MMACHC: variants seen among roughly 807,000 people sequenced by gnomAD.
MMACHC encodes metabolism of cobalamin associated C, also known as cyanocobalamin reductase / alkylcobalamin dealkylase.
MMACHC carries 14 observed loss-of-function variants against 17.6 expected under a neutral mutation model. The observed-to-expected ratio is 0.80, with a 90% CI of 0.53 to 1.25. The LOEUF is 1.25. Among genes scored for constraint, MMACHC ranks in the 50% most tolerant of loss-of-function variants. The pLI is 0.00. For synonymous variants in MMACHC, 151 were observed against 142.1 expected (o/e 1.06, Z -0.45); for missense variants, 392 against 364.5 (o/e 1.08, Z -0.62).
rs933447358 is a variant in MMACHC at position 45,507,392 on chromosome 1, C to T, written c.118C>T (p.His40Tyr). The change falls in exon 2 of 4, where the codon CAC (histidine) becomes TAC (tyrosine). Residue 40 changes from histidine (H) to tyrosine (Y), a missense_variant. Physicochemically the swap from His to Tyr is moderately conservative, Grantham distance 83. Coordinates refer to ENST00000401061, the MANE Select transcript of MMACHC (RefSeq NM_015506.3). ...CAATGAACTCTTGCCTCCAGCCTTC[C>T]ACCTACCGCTGCCAGGACCTACCCT... The part of the protein sequence containing the change: ...WYNELLPPAF[H>Y]LPLPGPTLAF... 1 of 1,614,154 alleles carries T rather than the reference C, an allele frequency of 6.2e-7. No individual in the cohort carries two copies. Among genetic ancestry groups the T allele is most frequent in the Non-Finnish European group, 8.5e-7 (1 of 1,180,030 alleles).
At chr1:45,505,494 C>G (rs931390426) in intron 1 of MMACHC, among the ~76,000 whole-genome samples, 9 of 152,002 alleles carry the variant, frequency 5.9e-5, no homozygotes, top group African/African-American at 2.2e-4. Flanking sequence ...GGTTCTCACT[C>G]TGTTACCCAG....
rs1360332684 is a variant in MMACHC at position 45,509,316 on chromosome 1, ATATAG to A, written c.*104_*108del. 10 of 1,375,154 alleles carry A rather than the reference ATATAG, an allele frequency of 7.3e-6. No homozygotes were observed. Among genetic ancestry groups the A allele is most frequent in the Admixed American group, 3.6e-5 (2 of 56,060 alleles). The allele number at this position is 1,375,154 out of a possible 1,614,324, so 85.2% of individuals were successfully genotyped here. The stretch of plus-strand genomic sequence containing the variant: ...GAGTACAAGATTACTATTTTTGATA[ATATAG>A]TAGAGATCTTCCATGAAGATAACAA... On this transcript the variant is annotated 3_prime_UTR_variant, in exon 4 of 4. Transcript: ENST00000401061.
chr1:45,505,749 A>C (rs1414806649), intron 1 of MMACHC, among the ~76,000 whole-genome samples: 1 of 151,938 alleles, frequency 6.6e-6, no homozygotes, highest in Non-Finnish European at 1.5e-5. Flanking sequence ...TAAAAATACA[A>C]AAATTAGCCG....
In MMACHC at chr1:45,508,360, A is replaced by G. The variant is rs377684747; in HGVS notation, c.425A>G (p.Asn142Ser). The change falls in exon 3 of 4, where the codon AAC becomes AGC. Residue 142 changes from asparagine to serine, a missense_variant. Coordinates refer to ENST00000401061, the MANE Select transcript of MMACHC (RefSeq NM_015506.3). The part of the protein sequence containing the change: ...RQDVEADPWG[N>S]QRISGVCIHP... ...GATGTGGAGGCTGACCCATGGGGGA[A>G]CCAGGTGAGAGGGAAAATGTAAATA... 1.9e-5 allele frequency: 30 copies of G among 1,614,048 alleles called. No homozygotes were observed. Among genetic ancestry groups the G allele is most frequent in the Non-Finnish European group, 2.5e-5 (29 of 1,180,034 alleles).
At position 45,509,092 on chromosome 1, in the gene MMACHC, GC is replaced by G. The variant is rs1409915649; in HGVS notation, c.728del (p.Pro243LeufsTer48). 2 of 1,612,522 alleles carry G rather than the reference GC, an allele frequency of 1.2e-6. No homozygotes were observed. Among genetic ancestry groups the G allele is most frequent in the East Asian group, 4.5e-5 (2 of 44,868 alleles). ...LLGLAQPSEKPSSPSPDLPFT... is the reference protein window; with the variant it reads ...LLGLAQPSEKXSSPSPDLPFT... ...TGGGCTTGGCTCAGCCCTCAGAGAAGCCTAGTTCTCCCTCCCCGGACCTTCC... is the reference window on the plus strand; with the variant it reads ...TGGGCTTGGCTCAGCCCTCAGAGAAGCTAGTTCTCCCTCCCCGGACCTTCC... On this transcript the variant is annotated frameshift_variant, in exon 4 of 4. Transcript: ENST00000401061. LOFTEE classifies it low-confidence loss of function (END_TRUNC).
At chr1:45,508,118 A>G (rs1643661443) in intron 2 of MMACHC, 94 bp from the exon 3 acceptor site, 1 of 1,465,510 alleles carries the variant, frequency 6.8e-7, no homozygotes, top group Non-Finnish European at 9.6e-7. Context: ...GGACAGGACC[A>G]TGTTCACACA....
chr1:45,500,556 G>C, intron 1 of MMACHC, 143 bp downstream of exon 1: 1 of 836,134 alleles, frequency 1.2e-6, no homozygotes. Context: ...TTTCAGTGGG[G>C]GCTTGGGTTA....
chr1:45,511,584 A>G lies in MMACHC; in HGVS notation c.*2369A>G, dbSNP rs1643746926. ...AGTATGAGCTAACCATTTTACAAACATATAATCATCACCACAGCCTTAAGA... is the reference window on the plus strand; with the variant it reads ...AGTATGAGCTAACCATTTTACAAACGTATAATCATCACCACAGCCTTAAGA... On this transcript the variant is annotated 3_prime_UTR_variant, in exon 4 of 4. Transcript: ENST00000401061. The G allele has an allele frequency of 2.4e-6, 1 of 421,436 alleles. No homozygotes were observed. The highest frequency in any genetic ancestry group is 3.5e-5 in the East Asian group (1 of 28,882). 26.1% of individuals were successfully genotyped at this position (421,436 alleles called of 1,614,324 possible). A position where few individuals can be genotyped will look rare whatever the true frequency, so the allele number is the denominator to read the frequency against.
At position 45,508,214 on chromosome 1, in the gene MMACHC, C is replaced by T; in HGVS notation, c.279C>T (p.Ser93=). 6.2e-7 allele frequency: 1 copy of T among 1,614,134 alleles called. No homozygotes were observed. Among genetic ancestry groups the T allele is most frequent in the Non-Finnish European group, 8.5e-7 (1 of 1,180,006 alleles). The stretch of plus-strand genomic sequence containing the variant: ...CTCTATTTTGTCCACTGTTCCAGAG[C>T]CTCCCAGAGCTGCAGATAGAAATCA... ...VAYHLGRVRE[S]LPELQIEIIA... Residue 93 remains serine (S), a splice_region_variant and synonymous_variant, in exon 3 of 4, where the codon AGC becomes AGT. Coordinates refer to ENST00000401061, the MANE Select transcript of MMACHC (RefSeq NM_015506.3).
At chr1:45,506,812 T>C (rs1209234697) in intron 1 of MMACHC, among the ~76,000 whole-genome samples, 1 of 151,796 alleles carries the variant, frequency 6.6e-6, no homozygotes, top group East Asian at 2.0e-4. Flanking sequence ...ATTGGTTCAT[T>C]TGTAGTTGGA....
At chr1:45,506,642 ATGCT>A (rs1276784200) in intron 1 of MMACHC, among the ~76,000 whole-genome samples, 1 of 151,936 alleles carries the variant, frequency 6.6e-6, no homozygotes, top group African/African-American at 2.4e-5. Context: ...GAGTGCCACC[ATGCT>A]TGTCTAATTT....
rs550692873 is a variant in MMACHC, at chr1:45,508,786, C to A, written c.430-10C>A. ...CTCCATGACCTTGCTTTTCTTCACC[C>A]TCTCCCCAGCGCATATCAGGTGTGT... On this transcript the variant is annotated splice_polypyrimidine_tract_variant and intron_variant, in intron 3 of 3. Coordinates refer to ENST00000401061, the MANE Select transcript of MMACHC (RefSeq NM_015506.3). 8.7e-6 allele frequency: 14 copies of A among 1,612,318 alleles called. No individual in the cohort carries two copies. In the African/African-American group the frequency reaches 1.9e-4, roughly 21 times the overall value.
At chr1:45,507,605 C>T in intron 2 of MMACHC, 55 bp downstream of exon 2, 2 of 1,586,020 alleles carry the variant, frequency 1.3e-6, no homozygotes, top group South Asian at 2.2e-5. Flanking sequence ...CCTCCAGTTC[C>T]TCCACACTCA....
At chr1:45,508,517 T>C (rs1036655699) in intron 3 of MMACHC, among the ~76,000 whole-genome samples, 153 bp downstream of exon 3, 15 of 152,180 alleles carry the variant, frequency 9.9e-5, no homozygotes, top group Non-Finnish European at 1.8e-4. Flanking sequence ...TCACATGCGG[T>C]TGTCTAACTG....
rs1643643021 is a variant in MMACHC, at chr1:45,507,434, A to G, written c.160A>G (p.Ser54Gly). The G allele has an allele frequency of 4.3e-6, 7 of 1,614,002 alleles. No individual in the cohort carries two copies. The highest frequency in any genetic ancestry group is 5.9e-6 in the Non-Finnish European group (7 of 1,180,028). ...ACCTACCCTGGCCTTCCTGGTACTC[A>G]GCACGCCTGCCATGTTTGACCGGGC... ...PGPTLAFLVL[S>G]TPAMFDRALK... Residue 54 changes from serine to glycine, a missense_variant, in exon 2 of 4, where the codon AGC (serine) becomes GGC (glycine). Ser to Gly is a moderately conservative substitution (Grantham distance 56). Transcript: ENST00000401061.
intron 1 of MMACHC, among the ~76,000 whole-genome samples, chr1:45,506,508 C>T (rs1643621943): frequency 6.6e-6 from 1 of 151,726 alleles, no homozygotes; most frequent in Non-Finnish European, 1.5e-5. Context: ...TTTTTTGAGG[C>T]GGGGGTCTCA....
chr1:45,505,404 C>T (rs886263994), intron 1 of MMACHC, among the ~76,000 whole-genome samples: 4 of 151,810 alleles, frequency 2.6e-5, no homozygotes, highest in East Asian at 2.0e-4. Flanking sequence ...GCCGAGGCTG[C>T]GCCATTGCAC....
chr1:45,501,361 T>C (rs546617493), intron 1 of MMACHC, among the ~76,000 whole-genome samples: 1 of 152,336 alleles, frequency 6.6e-6, no homozygotes, highest in South Asian at 2.1e-4. Context: ...CTTTGCCTGA[T>C]GCTTAAGAGA....
At position 45,513,350 on chromosome 1, in the gene MMACHC, T is replaced by C. The variant is rs993719919; in HGVS notation, c.*4135T>C. 1.3e-5 allele frequency: 2 copies of C among 152,232 alleles called. No homozygotes were observed. Among genetic ancestry groups the C allele is most frequent in the African/African-American group, 2.4e-5 (1 of 41,450 alleles). The allele number at this position is 152,232 out of a possible 1,614,324, so 9.4% of individuals were successfully genotyped here. Reference sequence around the variant, plus strand: ...ATGAGCAGGACAGAAGAGAGGAGTATGTATACTTTGAATAAAAAGCCTTTA... The same window carrying C: ...ATGAGCAGGACAGAAGAGAGGAGTACGTATACTTTGAATAAAAAGCCTTTA... On this transcript the variant is annotated 3_prime_UTR_variant, in exon 4 of 4. Transcript: ENST00000401061.
Sources: gnomAD v4.1 joint callset for allele counts (sites outside exome capture counted in the v4.1 genomes callset) on GRCh38, gnomAD v4.1.1 for gene constraint, MANE v1.5 for transcripts, NCBI Gene and HGNC (gene_info 2026-07-23, HGNC 2026-07-21) for gene names.